Variants in PDZRN4 observed in about 807,000 individuals in gnomAD.
The protein encoded by PDZRN4 is PDZ domain-containing RING finger protein 4.
In PDZRN4, 70 loss-of-function variants were observed where a neutral mutation model predicts 99.0. The observed-to-expected ratio is 0.71, with a 90% CI of 0.58 to 0.86. The LOEUF is 0.86. PDZRN4 is among the 40% of genes least tolerant of loss of function. PDZRN4 has a pLI of 0.00. For synonymous variants in PDZRN4, 551 were observed against 501.6 expected (o/e 1.10, Z -1.32); for missense variants, 1,474 against 1,331.2 (o/e 1.11, Z -1.67).
intron 5 of PDZRN4, among the ~76,000 whole-genome samples, chr12:41,546,485 A>G (rs1036670334): frequency 6.6e-6 from 1 of 152,220 alleles, no homozygotes; most frequent in Non-Finnish European, 1.5e-5. Flanking sequence ...GTACGATCTC[A>G]GTCCCATAAA....
intron 3 of PDZRN4, among the ~76,000 whole-genome samples, chr12:41,346,312 A>T (rs1430919242): frequency 2.6e-5 from 4 of 152,014 alleles, no homozygotes; most frequent in Admixed American, 2.6e-4. Flanking sequence ...AATACAAAAA[A>T]TTAGCTGGGT....
At chr12:41,520,960 T>C (rs1403916204) in intron 5 of PDZRN4, among the ~76,000 whole-genome samples, 1 of 152,142 alleles carries the variant, frequency 6.6e-6, no homozygotes, top group Non-Finnish European at 1.5e-5. Context: ...AATGTCCATA[T>C]TTCATTACTT....
At chr12:41,288,442 C>T (rs1233483214) in intron 3 of PDZRN4, among the ~76,000 whole-genome samples, 1 of 152,120 alleles carries the variant, frequency 6.6e-6, no homozygotes, top group African/African-American at 2.4e-5. Flanking sequence ...TCTCAGGTAT[C>T]AATATTGTGA....
At chr12:41,375,461 A>G (rs1952072202) in intron 3 of PDZRN4, among the ~76,000 whole-genome samples, 1 of 152,144 alleles carries the variant, frequency 6.6e-6, no homozygotes, top group African/African-American at 2.4e-5. Flanking sequence ...TATCCAAAGC[A>G]CTATTCTCAA....
intron 8 of PDZRN4, among the ~76,000 whole-genome samples, chr12:41,564,698 TAC>T (rs1939333460): frequency 6.6e-6 from 1 of 152,040 alleles, no homozygotes. Context: ...AGAGTAAAGT[TAC>T]ACACCTGAGG....
Position 41,558,712 on chromosome 12 carries a change from G to A in PDZRN4, c.1365+2952G>A, listed in dbSNP as rs138730457. On this transcript the variant is annotated intron_variant, in intron 7 of 9. Transcript: ENST00000402685. Reference sequence around the variant, plus strand: ...GCAGGATGTTAAAGTGCTGTTTTCCGCCTGATTACTTTATATTCTGTGACA... The same window carrying A: ...GCAGGATGTTAAAGTGCTGTTTTCCACCTGATTACTTTATATTCTGTGACA... 1.6e-4 allele frequency among the ~76,000 whole-genome samples: 24 copies of A among 152,228 alleles called. No homozygotes were observed. In the East Asian group the frequency reaches 1.7e-3, roughly 11 times the overall value.
chr12:41,281,767 G>T (rs185754764), intron 3 of PDZRN4, among the ~76,000 whole-genome samples: 2 of 152,246 alleles, frequency 1.3e-5, no homozygotes, highest in East Asian at 3.9e-4. Context: ...GTGACAGGGC[G>T]AATGGAACCA....
At chr12:41,344,185 T>A (rs1951836968) in intron 3 of PDZRN4, among the ~76,000 whole-genome samples, 2 of 152,154 alleles carry the variant, frequency 1.3e-5, no homozygotes, top group Admixed American at 6.6e-5. Flanking sequence ...TGAGGCTTTT[T>A]ATCTTAAATT....
rs1952334781 is a variant in PDZRN4 at position 41,405,041 on chromosome 12, C to G, written c.844-101415C>G. 2.6e-5 allele frequency among the ~76,000 whole-genome samples: 4 copies of G among 152,142 alleles called. No homozygotes were observed. In the South Asian group the frequency reaches 8.3e-4, roughly 32 times the overall value. The stretch of plus-strand genomic sequence containing the variant: ...AAGAAAACCTAGGAAACACCCTTCT[C>G]AACATTGGACTTGACAAATAATTTT... On this transcript the variant is annotated intron_variant, in intron 3 of 9. Transcript: ENST00000402685.
At chr12:41,239,731 T>G (rs79323811) in intron 3 of PDZRN4, among the ~76,000 whole-genome samples, 18 of 152,314 alleles carry the variant, frequency 1.2e-4, no homozygotes, top group Non-Finnish European at 2.2e-4. Flanking sequence ...TGTCCTTTCT[T>G]AAACAGCTTA....
At chr12:41,514,803 T>G (rs912771989) in intron 5 of PDZRN4, among the ~76,000 whole-genome samples, 1 of 152,104 alleles carries the variant, frequency 6.6e-6, no homozygotes, top group East Asian at 1.9e-4. Context: ...TATTTGTTCT[T>G]GGAGTCAGGA....
intron 3 of PDZRN4, among the ~76,000 whole-genome samples, chr12:41,350,834 T>C (rs1485968889): frequency 1.7e-5 from 2 of 117,946 alleles, no homozygotes; most frequent in African/African-American, 5.3e-5. Flanking sequence ...AATCCAAAAT[T>C]GGACTGGAGT....
At chr12:41,382,250 G>A (rs375603775) in intron 3 of PDZRN4, among the ~76,000 whole-genome samples, 2 of 152,146 alleles carry the variant, frequency 1.3e-5, no homozygotes, top group South Asian at 2.1e-4. Flanking sequence ...TTCAGGAATG[G>A]GCTGCAGTCT....
At chr12:41,368,510 G>A (rs1346044054) in intron 3 of PDZRN4, among the ~76,000 whole-genome samples, 1 of 151,886 alleles carries the variant, frequency 6.6e-6, no homozygotes, top group Non-Finnish European at 1.5e-5. Context: ...TTATATACAC[G>A]CACATACACA....
intron 3 of PDZRN4, among the ~76,000 whole-genome samples, chr12:41,414,023 C>G (rs761333181): frequency 3.9e-5 from 6 of 152,084 alleles, no homozygotes; most frequent in Non-Finnish European, 5.9e-5. Flanking sequence ...AATAATTTCC[C>G]TTAATGATTG....
chr12:41,369,704 T>G (rs1952027121), intron 3 of PDZRN4, among the ~76,000 whole-genome samples: 1 of 152,072 alleles, frequency 6.6e-6, no homozygotes, highest in South Asian at 2.1e-4. Flanking sequence ...AGTCATAGAA[T>G]ATATTTAATT....
At chr12:41,522,537 A>G (rs1407872586) in intron 5 of PDZRN4, among the ~76,000 whole-genome samples, 1 of 152,150 alleles carries the variant, frequency 6.6e-6, no homozygotes, top group African/African-American at 2.4e-5. Context: ...GTGAATATTC[A>G]ATTAGTTTTA....
chr12:41,444,221 G>A (rs1952704333), intron 3 of PDZRN4, among the ~76,000 whole-genome samples: 1 of 152,118 alleles, frequency 6.6e-6, no homozygotes, highest in Admixed American at 6.6e-5. Flanking sequence ...GTCAGCAAAA[G>A]CCTTTAATTT....
At position 41,366,733 on chromosome 12, in the gene PDZRN4, G is replaced by A. The variant is rs137951303; in HGVS notation, c.844-139723G>A. Among the ~76,000 whole-genome samples the A allele has an allele frequency of 1.1e-4, 16 of 151,988 alleles. No individual in the cohort carries two copies. The East Asian group carries it at 1.9e-3, about 18-fold the overall frequency. On this transcript the variant is annotated intron_variant, in intron 3 of 9. Coordinates refer to ENST00000402685, the MANE Select transcript of PDZRN4 (RefSeq NM_001164595.2). The stretch of plus-strand genomic sequence containing the variant: ...TCTACATAAGGCAATAGATCCTCTC[G>A]GCATTTACTACCATAAGAAAATTGC...
Sources: allele counts gnomAD v4.1 joint callset (sites outside exome capture counted in the v4.1 genomes callset), GRCh38; gene constraint gnomAD v4.1.1; transcripts MANE v1.5; gene names NCBI Gene and HGNC (gene_info 2026-07-23, HGNC 2026-07-21).